The following KIF20B variants were observed in gnomAD, a reference collection of about 807,000 sequenced individuals.
KIF20B encodes the protein kinesin-like protein KIF20B.
A neutral mutation model predicts 232.5 loss-of-function variants in KIF20B; 188 were observed. The ratio of observed to expected loss-of-function variants is 0.81; its 90% CI spans 0.72 to 0.91. The LOEUF is 0.91. KIF20B is among the 40% of genes least tolerant of loss of function. The probability of loss-of-function intolerance (pLI) is 0.00; values close to 1 mark genes in which losing one functional copy is unlikely to be tolerated. For missense variants in KIF20B, 2,154 were observed against 2,055.9 expected, an observed-to-expected ratio of 1.05 and a Z score of -0.92; for synonymous variants, 712 against 683.0, an observed-to-expected ratio of 1.04 and a Z score of -0.66.
chr10:89,772,818 T>G lies in KIF20B; in HGVS notation c.5372T>G (p.Ile1791Arg), dbSNP rs1180920788. The part of the protein sequence containing the change: ...YTSEISSPID[I>R]SGQVILMDQK... ...AGTGAAATTTCATCTCCTATTGATATATCAGGCCAAGTGGTAAGCTAGTAT... is the reference window on the plus strand; with the variant it reads ...AGTGAAATTTCATCTCCTATTGATAGATCAGGCCAAGTGGTAAGCTAGTAT... Residue 1791 changes from isoleucine (I) to arginine (R), a missense_variant, in exon 32 of 33, where the codon ATA (isoleucine) becomes AGA (arginine). By Grantham distance (97) the Ile-to-Arg change is moderately conservative. Transcript: ENST00000371728. 6.2e-7 allele frequency: 1 copy of G among 1,608,022 alleles called. No homozygotes were observed.
intron 5 of KIF20B, 113 bp downstream of exon 5, chr10:89,710,178 T>C: frequency 1.1e-6 from 1 of 946,052 alleles, no homozygotes; most frequent in Non-Finnish European, 1.5e-6. Context: ...GCGTTTGCTC[T>C]ATTTTTAATA....
intron 19 of KIF20B, 131 bp from the exon 20 acceptor site, chr10:89,737,256 T>A (rs1308025081): frequency 5.0e-5 from 50 of 994,936 alleles, no homozygotes; most frequent in Admixed American, 1.2e-4. Flanking sequence ...TCTCAACAGC[T>A]TATTTCATTT....
chr10:89,724,926 T>G, intron 14 of KIF20B, 94 bp from the exon 15 acceptor site: 2 of 1,276,668 alleles, frequency 1.6e-6, no homozygotes, highest in Non-Finnish European at 2.2e-6. Flanking sequence ...AAATTTTCTT[T>G]TAATCTAGAA....
At chr10:89,713,091 G>C (rs1842865705) in intron 6 of KIF20B, among the ~76,000 whole-genome samples, 1 of 152,128 alleles carries the variant, frequency 6.6e-6, no homozygotes, top group Non-Finnish European at 1.5e-5. Context: ...TGGGCATGGT[G>C]GTTCATGCCT....
Position 89,762,644 on chromosome 10 carries a change from T to A in KIF20B, c.4798T>A (p.Ser1600Thr). Residue 1600 changes from serine to threonine, a missense_variant, in exon 29 of 33, where the codon TCT becomes ACT. By Grantham distance (58) the Ser-to-Thr change is moderately conservative. Coordinates refer to ENST00000371728, the MANE Select transcript of KIF20B (RefSeq NM_001284259.2). ...CTTTTACATTCTGTTGTAGGATGGA[T>A]CTGTAGTCCTTGACTCTTGTGAAGT... ...EISRNKIEDGSVVLDSCEVST... is the reference protein window; with the variant it reads ...EISRNKIEDGTVVLDSCEVST... The A allele has an allele frequency of 6.2e-7, 1 of 1,611,364 alleles. No individual in the cohort carries two copies. The highest frequency in any genetic ancestry group is 8.5e-7 in the Non-Finnish European group (1 of 1,177,760).
intron 7 of KIF20B, 59 bp from the exon 8 acceptor site, chr10:89,714,896 C>A: frequency 9.9e-7 from 1 of 1,013,420 alleles, no homozygotes; most frequent in Non-Finnish European, 1.5e-6. Context: ...GTACTTTTGT[C>A]ACGTTTTTAG....
intron 23 of KIF20B, among the ~76,000 whole-genome samples, chr10:89,748,373 C>T (rs1357367546): frequency 6.6e-6 from 1 of 152,196 alleles, no homozygotes; most frequent in Non-Finnish European, 1.5e-5. Flanking sequence ...TCCTCTCCTC[C>T]TCATTACCCC....
Position 89,711,086 on chromosome 10 carries a change from T to G in KIF20B, c.616T>G (p.Ser206Ala), listed in dbSNP as rs1207349056. The G allele has an allele frequency of 8.2e-6, 13 of 1,594,626 alleles. No individual in the cohort carries two copies. The highest frequency in any genetic ancestry group is 1.1e-5 in the Non-Finnish European group (13 of 1,169,458). ...ATCCAGAGAATACTTAAGGTTATCA[T>G]CAGAACAAGAGAAAGAAGAAATTGC... ...HRSREYLRLS[S>A]EQEKEEIASK... The change falls in exon 6 of 33, where the codon TCA becomes GCA. Residue 206 changes from serine to alanine, a missense_variant. Transcript: ENST00000371728.
At chr10:89,722,860 G>T (rs917397609) in intron 13 of KIF20B, among the ~76,000 whole-genome samples, 2 of 152,174 alleles carry the variant, frequency 1.3e-5, no homozygotes, top group East Asian at 1.9e-4. Context: ...AATCTACCAT[G>T]AATGTTAATG....
intron 31 of KIF20B, among the ~76,000 whole-genome samples, chr10:89,772,452 G>T (rs1316097385): frequency 1.3e-5 from 2 of 151,814 alleles, no homozygotes; most frequent in Non-Finnish European, 2.9e-5. Context: ...TTAATCAAAT[G>T]ATACTTTATT....
Position 89,738,976 on chromosome 10 carries a change from T to C in KIF20B, c.3795T>C (p.Ser1265=). 1 of 1,612,444 alleles carries C rather than the reference T, an allele frequency of 6.2e-7. No individual in the cohort carries two copies. Among genetic ancestry groups the C allele is most frequent in the Non-Finnish European group, 8.5e-7 (1 of 1,179,408 alleles). Reference sequence around the variant, plus strand: ...TTTTTAGATTGAAAGAGGAACTCTCTGCAAGCTCTGCTCGTACCCAGAATC... The same window carrying C: ...TTTTTAGATTGAAAGAGGAACTCTCCGCAAGCTCTGCTCGTACCCAGAATC... The part of the protein sequence containing the change: ...QETEKLKEEL[S]ASSARTQNLK... Residue 1265 remains serine, a synonymous_variant, in exon 21 of 33, where the codon TCT becomes TCC. Transcript: ENST00000371728.
intron 26 of KIF20B, among the ~76,000 whole-genome samples, chr10:89,757,173 TGTTG>T (rs1197832419): frequency 6.6e-6 from 1 of 151,492 alleles, no homozygotes; most frequent in Non-Finnish European, 1.5e-5. Flanking sequence ...CCCCAACTAG[TGTTG>T]CAGTAGCTGT....
chr10:89,742,953 C>A (rs1364645110), intron 21 of KIF20B, among the ~76,000 whole-genome samples: 1 of 151,724 alleles, frequency 6.6e-6, no homozygotes, highest in Non-Finnish European at 1.5e-5. Context: ...CACTTGCCTC[C>A]GCCTCCCAGA....
At chr10:89,736,065 A>T (rs1479899869) in intron 19 of KIF20B, among the ~76,000 whole-genome samples, 1 of 152,214 alleles carries the variant, frequency 6.6e-6, no homozygotes, top group African/African-American at 2.4e-5. Flanking sequence ...TATGGAATTG[A>T]TTGTATTAGA....
chr10:89,744,942 T>C (rs1353393773), intron 22 of KIF20B, among the ~76,000 whole-genome samples: 1 of 152,236 alleles, frequency 6.6e-6, no homozygotes, highest in Non-Finnish European at 1.5e-5. Flanking sequence ...ACATGATAAG[T>C]TACAATTAGA....
rs1270488167 is a variant in KIF20B, at chr10:89,772,642, C to A, written c.5243-47C>A. The A allele has an allele frequency of 4.1e-6, 5 of 1,229,354 alleles. No homozygotes were observed. In the South Asian group the frequency reaches 5.9e-5, roughly 15 times the overall value. 76.2% of individuals were successfully genotyped at this position (1,229,354 alleles called of 1,614,324 possible). On this transcript the variant is annotated intron_variant, in intron 31 of 32. Coordinates refer to ENST00000371728, the MANE Select transcript of KIF20B (RefSeq NM_001284259.2). ...TATTAAGGATTTCAAATCACCTTTG[C>A]AATTAGAAAATTATTTCAGGAACTA...
At position 89,716,859 on chromosome 10, in the gene KIF20B, C is replaced by A. The variant is rs563221067; in HGVS notation, c.1052+312C>A. Among the ~76,000 whole-genome samples the A allele has an allele frequency of 1.6e-4, 24 of 152,170 alleles. 1 individual carries two copies. The South Asian group carries it at 4.1e-3, about 26-fold the overall frequency. ...TTTTCTCTGGGTCTTTCTCACTTATCCCCTGAATACTATATAAATATACTC... is the reference window on the plus strand; with the variant it reads ...TTTTCTCTGGGTCTTTCTCACTTATACCCTGAATACTATATAAATATACTC... On this transcript the variant is annotated intron_variant, in intron 9 of 32. Coordinates refer to ENST00000371728, the MANE Select transcript of KIF20B (RefSeq NM_001284259.2).
In KIF20B at chr10:89,769,008, C is replaced by T. The variant is rs946547580; in HGVS notation, c.5242+120C>T. 1.1e-4 allele frequency: 87 copies of T among 771,432 alleles called. No homozygotes were observed. The East Asian group carries it at 2.4e-3, about 21-fold the overall frequency. 47.8% of individuals were successfully genotyped at this position (771,432 alleles called of 1,614,324 possible). A position where few individuals can be genotyped will look rare whatever the true frequency, so the allele number is the denominator to read the frequency against. On this transcript the variant is annotated intron_variant, in intron 31 of 32. Transcript: ENST00000371728. ...ATATTATACTTCAAATAGGCATTGT[C>T]CTATACTAGGTACTGTGGGAAGAAA...
In KIF20B at chr10:89,717,669, T is replaced by C. The variant is rs1842962667; in HGVS notation, c.1218T>C (p.Ser406=). 2 of 1,609,716 alleles carry C rather than the reference T, an allele frequency of 1.2e-6. No homozygotes were observed. Among genetic ancestry groups the C allele is most frequent in the Non-Finnish European group, 1.7e-6 (2 of 1,176,812 alleles). ...RLRETGNINT[S]LLTLGKCINV... ...GAGAGACTGGGAATATCAACACTTC[T>C]TTATTGACTCTGGGAAAGTGTATTA... Residue 406 remains serine, a synonymous_variant, in exon 11 of 33, where the codon TCT becomes TCC. Coordinates refer to ENST00000371728, the MANE Select transcript of KIF20B (RefSeq NM_001284259.2).
Sources: gnomAD v4.1 joint callset for allele counts (sites outside exome capture counted in the v4.1 genomes callset) on GRCh38, gnomAD v4.1.1 for gene constraint, MANE v1.5 for transcripts, NCBI Gene and HGNC (gene_info 2026-07-23, HGNC 2026-07-21) for gene names.